The following ATRNL1 variants were observed in gnomAD, a reference collection of about 807,000 sequenced individuals.
ATRNL1 encodes attractin like 1.
Under a neutral mutation model 182.7 loss-of-function variants are expected in ATRNL1, and 95 were observed. The observed-to-expected ratio is 0.52, with a 90% CI of 0.44 to 0.62. ATRNL1 has a LOEUF of 0.62. Among genes scored for constraint, ATRNL1 ranks in the 20% least tolerant of loss-of-function variants. The pLI is 0.00. For synonymous variants in ATRNL1, 576 were observed against 568.3 expected, an observed-to-expected ratio of 1.01 and a Z score of -0.19; for missense variants, 1,471 against 1,679.5, an observed-to-expected ratio of 0.88 and a Z score of 2.17.
At chr10:115,225,129 A>C (rs1554898366) in intron 9 of ATRNL1, among the ~76,000 whole-genome samples, 3 of 152,080 alleles carry the variant, frequency 2.0e-5, no homozygotes, top group African/African-American at 7.2e-5. Context: ...TAGAAAGAAA[A>C]TAATAGATTA....
chr10:115,417,913 AGAAACTCTG>A (rs1845473447), intron 20 of ATRNL1, among the ~76,000 whole-genome samples: 1 of 152,176 alleles, frequency 6.6e-6, no homozygotes, highest in Non-Finnish European at 1.5e-5. Flanking sequence ...CAGTCCCCTT[AGAAACTCTG>A]GAAGGCCCTC....
At chr10:115,734,187 A>G (rs1247585254) in intron 27 of ATRNL1, among the ~76,000 whole-genome samples, 1 of 113,980 alleles carries the variant, frequency 8.8e-6, no homozygotes, top group African/African-American at 2.6e-5. Context: ...ATCTTACTTT[A>G]TGAAAAAAAA....
intron 19 of ATRNL1, among the ~76,000 whole-genome samples, chr10:115,355,029 T>G (rs1452578076): frequency 6.6e-6 from 1 of 152,132 alleles, no homozygotes; most frequent in African/African-American, 2.4e-5. Flanking sequence ...TTTCAGTGTC[T>G]TTGTTAAATT....
At chr10:115,622,665 G>A (rs1414295783) in intron 26 of ATRNL1, among the ~76,000 whole-genome samples, 1 of 134,192 alleles carries the variant, frequency 7.5e-6, no homozygotes, top group African/African-American at 2.6e-5. Context: ...GGTGGCTCAC[G>A]CCTTGTAATC....
chr10:115,295,810 C>A (rs1853157367), intron 15 of ATRNL1, among the ~76,000 whole-genome samples: 1 of 152,044 alleles, frequency 6.6e-6, no homozygotes. Context: ...AATCCTGGAC[C>A]TAGGCTCCAT....
chr10:115,202,730 G>C (rs1468439211), intron 8 of ATRNL1, among the ~76,000 whole-genome samples: 1 of 145,572 alleles, frequency 6.9e-6, no homozygotes, highest in African/African-American at 2.6e-5. Context: ...TTGGTATCAG[G>C]ATGATGCTGG....
chr10:115,136,658 C>G (rs1554876768), intron 5 of ATRNL1, among the ~76,000 whole-genome samples: 1 of 152,170 alleles, frequency 6.6e-6, no homozygotes, highest in Non-Finnish European at 1.5e-5. Context: ...ACAATTTTGC[C>G]TTTTCCCAAA....
intron 27 of ATRNL1, among the ~76,000 whole-genome samples, chr10:115,736,094 A>T (rs1311718498): frequency 6.7e-6 from 1 of 150,122 alleles, no homozygotes; most frequent in African/African-American, 2.5e-5. Context: ...GTTATTTCTA[A>T]GTTATTGAGT....
chr10:115,402,977 G>T (rs840105), intron 20 of ATRNL1, among the ~76,000 whole-genome samples: 6 of 151,878 alleles, frequency 4.0e-5, no homozygotes, highest in African/African-American at 1.5e-4. Flanking sequence ...AAATGTTGCC[G>T]TAGGAGGATC....
chr10:115,505,053 T>G (rs1850040259), intron 24 of ATRNL1, among the ~76,000 whole-genome samples: 1 of 152,062 alleles, frequency 6.6e-6, no homozygotes, highest in Non-Finnish European at 1.5e-5. Flanking sequence ...ATTACAAAAT[T>G]TACATAATAA....
In ATRNL1 at chr10:115,948,561, G is replaced by A. The variant is rs1376751698; in HGVS notation, c.*3782G>A. On this transcript the variant is annotated 3_prime_UTR_variant, in exon 29 of 29. Transcript: ENST00000355044. ...TTTAGATTCAGAAACACTGGGGTAG[G>A]CCCTGGAGAGCAGTACTCTTAACAA... The A allele has an allele frequency of 3.3e-5, 5 of 152,292 alleles. No individual in the cohort carries two copies. The highest frequency in any genetic ancestry group is 1.2e-4 in the African/African-American group (5 of 41,572). 9.4% of individuals were successfully genotyped at this position (152,292 alleles called of 1,614,324 possible). A position where few individuals can be genotyped will look rare whatever the true frequency, so the allele number is the denominator to read the frequency against.
chr10:115,402,636 C>T (rs2484863), intron 20 of ATRNL1, among the ~76,000 whole-genome samples: 57,808 of 151,962 alleles, frequency 0.38, 12,143 homozygotes, highest in African/African-American at 0.56. Context: ...TTGTTTTACT[C>T]TCTGTTCACA....
At chr10:115,456,245 T>C (rs936170650) in intron 21 of ATRNL1, among the ~76,000 whole-genome samples, 1 of 152,072 alleles carries the variant, frequency 6.6e-6, no homozygotes, top group Non-Finnish European at 1.5e-5. Context: ...CAAATTCCCA[T>C]TATGTTAGAC....
chr10:115,449,586 G>T (rs919095254), intron 21 of ATRNL1, among the ~76,000 whole-genome samples: 2 of 152,166 alleles, frequency 1.3e-5, no homozygotes, highest in African/African-American at 4.8e-5. Flanking sequence ...GCCCTCTGGG[G>T]CTTCAGGGGT....
intron 26 of ATRNL1, among the ~76,000 whole-genome samples, chr10:115,700,668 A>G (rs1946705794): frequency 6.6e-6 from 1 of 152,016 alleles, no homozygotes; most frequent in East Asian, 1.9e-4. Flanking sequence ...CTTTGTTGAT[A>G]GTTTCAGGCT....
At chr10:115,917,430 G>T (rs1462409556) in intron 28 of ATRNL1, among the ~76,000 whole-genome samples, 1 of 134,528 alleles carries the variant, frequency 7.4e-6, no homozygotes, top group African/African-American at 2.7e-5. Context: ...AGATCGCACC[G>T]CTGCACTCCA....
chr10:115,284,795 A>G (rs1340001675), intron 14 of ATRNL1, among the ~76,000 whole-genome samples: 1 of 152,226 alleles, frequency 6.6e-6, no homozygotes, highest in Non-Finnish European at 1.5e-5. Context: ...CAAATATTGA[A>G]GACATTTACA....
At chr10:115,570,454 T>C (rs539588741) in intron 26 of ATRNL1, among the ~76,000 whole-genome samples, 2 of 152,344 alleles carry the variant, frequency 1.3e-5, no homozygotes, top group Admixed American at 6.5e-5. Flanking sequence ...TGATTTCAAA[T>C]TTTGTAAACT....
intron 28 of ATRNL1, among the ~76,000 whole-genome samples, chr10:115,921,657 A>C (rs1297494129): frequency 6.6e-6 from 1 of 152,228 alleles, no homozygotes; most frequent in African/African-American, 2.4e-5. Flanking sequence ...GAGATTGCTC[A>C]GGTGTTGAGA....
Sources: allele counts gnomAD v4.1 joint callset (sites outside exome capture counted in the v4.1 genomes callset), GRCh38; gene constraint gnomAD v4.1.1; transcripts MANE v1.5; gene names NCBI Gene and HGNC (gene_info 2026-07-23, HGNC 2026-07-21).